Variants in B3GNT6 observed in about 807,000 individuals in gnomAD.
The protein encoded by B3GNT6 is acetylgalactosaminyl-O-glycosyl-glycoprotein beta-1,3-N-acetylglucosaminyltransferase.
For synonymous variants in B3GNT6, 300 were observed against 270.0 expected (o/e 1.11, Z -1.09); for missense variants, 624 against 568.6 (o/e 1.10, Z -0.99).
At position 77,041,458 on chromosome 11, in the gene B3GNT6, T is replaced by A. The variant is rs936785812; in HGVS notation, c.*752T>A. 6.6e-6 allele frequency: 1 copy of A among 152,450 alleles called. No individual in the cohort carries two copies. Among genetic ancestry groups the A allele is most frequent in the Admixed American group, 6.5e-5 (1 of 15,282 alleles). 9.4% of individuals were successfully genotyped at this position (152,450 alleles called of 1,614,324 possible). ...CTAGTTGGGTCCTGCCCGCCAATAA[T>A]CACCCCCACGGGTCAGAGACAGGCT... On this transcript the variant is annotated 3_prime_UTR_variant, in exon 2 of 2. Coordinates refer to ENST00000622824, the MANE Select transcript of B3GNT6 (RefSeq NM_138706.5).
At chr11:77,037,007 A>ACAT (rs1185741064) in intron 1 of B3GNT6, among the ~76,000 whole-genome samples, 12 of 152,194 alleles carry the variant, frequency 7.9e-5, no homozygotes, top group African/African-American at 2.9e-4. Context: ...AGGGAGAGAG[A>ACAT]CATCAATCCA....
chr11:77,039,925 C>A lies in B3GNT6; in HGVS notation c.374C>A (p.Ser125Ter), dbSNP rs782326955. ...RGVFLLLAVK[S>*]APEHYERREL... ...GTGTTCCTGCTCCTGGCGGTGAAGT[C>A]GGCGCCTGAGCACTACGAGCGACGC... Residue 125 changes from serine (S) to a stop codon, truncating the protein, a stop_gained, in exon 2 of 2, where the codon TCG (serine) becomes TAG (stop). Transcript: ENST00000622824. LOFTEE classifies it low-confidence loss of function (END_TRUNC). 3 of 1,592,728 alleles carry A rather than the reference C, an allele frequency of 1.9e-6. No homozygotes were observed. The highest frequency in any genetic ancestry group is 2.5e-6 in the Non-Finnish European group (3 of 1,176,944).
intron 1 of B3GNT6, among the ~76,000 whole-genome samples, chr11:77,036,260 C>G (rs1013931230): frequency 2.6e-5 from 4 of 152,190 alleles, no homozygotes; most frequent in African/African-American, 9.7e-5. Context: ...GCCCTCTTCT[C>G]ACAGTGCCTC....
Position 77,040,506 on chromosome 11 carries a change from G to T in B3GNT6, c.955G>T (p.Ala319Ser), listed in dbSNP as rs782784317. The T allele has an allele frequency of 3.2e-6, 5 of 1,546,958 alleles. No homozygotes were observed. The highest frequency in any genetic ancestry group is 4.3e-6 in the Non-Finnish European group (5 of 1,152,660). Reference sequence around the variant, plus strand: ...CTACATGGGCATGTGTCTGGAGCGCGCCGGCCTGGCGCCCAGCGGCCACGA... The same window carrying T: ...CTACATGGGCATGTGTCTGGAGCGCTCCGGCCTGGCGCCCAGCGGCCACGA... ...DAYMGMCLER[A>S]GLAPSGHEGI... The change falls in exon 2 of 2, where the codon GCC (alanine) becomes TCC (serine). Residue 319 changes from alanine (A) to serine (S), a missense_variant. Transcript: ENST00000622824.
At chr11:77,038,819 A>G (rs1226448271) in intron 1 of B3GNT6, among the ~76,000 whole-genome samples, 1 of 152,124 alleles carries the variant, frequency 6.6e-6, no homozygotes, top group Admixed American at 6.5e-5. Flanking sequence ...GATGCCGTGG[A>G]GATCATCTCA....
In B3GNT6 at chr11:77,040,382, G is replaced by T. The variant is rs545303916; in HGVS notation, c.831G>T (p.Pro277=). The change falls in exon 2 of 2, where the codon CCG becomes CCT. Residue 277 remains proline (P), a synonymous_variant. Coordinates refer to ENST00000622824, the MANE Select transcript of B3GNT6 (RefSeq NM_138706.5). ...AGCTCTTCCCCGGGTCCGCTTACCC[G>T]GTGTACTGCAGCGGCGGCGGCTTCC... ...PPQLFPGSAY[P]VYCSGGGFLL... 7 of 1,535,478 alleles carry T rather than the reference G, an allele frequency of 4.6e-6. No homozygotes were observed. In the East Asian group the frequency reaches 1.2e-4, roughly 27 times the overall value.
At position 77,039,683 on chromosome 11, in the gene B3GNT6, G is replaced by A. The variant is rs782333950; in HGVS notation, c.132G>A (p.Gln44=). 6.2e-6 allele frequency: 10 copies of A among 1,612,308 alleles called. No individual in the cohort carries two copies. The South Asian group carries it at 1.1e-4, about 18-fold the overall frequency. The change falls in exon 2 of 2, where the codon CAG becomes CAA. Residue 44 remains glutamine (Q), a synonymous_variant. Coordinates refer to ENST00000622824, the MANE Select transcript of B3GNT6 (RefSeq NM_138706.5). ...CCCCGCGGGAGGAGAGGTCCCCGCA[G>A]GAGGAGACGCCAGAGGGTCCCACCG... The part of the protein sequence containing the change: ...PRSPREERSP[Q]EETPEGPTDA...
rs564516586 is a variant in B3GNT6 at position 77,039,438 on chromosome 11, G to C, written c.1-114G>C. 167 of 1,488,524 alleles carry C rather than the reference G, an allele frequency of 1.1e-4. No homozygotes were observed. In the African/African-American group the frequency reaches 2.2e-3, roughly 20 times the overall value. The allele number at this position is 1,488,524 out of a possible 1,614,324, so 92.2% of individuals were successfully genotyped here. On this transcript the variant is annotated intron_variant, in intron 1 of 1. Coordinates refer to ENST00000622824, the MANE Select transcript of B3GNT6 (RefSeq NM_138706.5). ...GATTCCTTTTTACCACTTAACAGCA[G>C]AGTTGAGAAGGGGCTGGAGCTGGGT...
In B3GNT6 at chr11:77,040,160, C is replaced by CT. The variant is rs1555027618; in HGVS notation, c.611dup (p.Leu204PhefsTer175). 6.3e-7 allele frequency: 1 copy of CT among 1,599,522 alleles called. No homozygotes were observed. Among genetic ancestry groups the CT allele is most frequent in the African/African-American group, 1.3e-5 (1 of 74,984 alleles). ...TCAACCTCACGCTCAAGCACCTGCA[C>CT]TTGCTCGACTGGCTGGCTGCACGCT... On this transcript the variant is annotated frameshift_variant, in exon 2 of 2. Transcript: ENST00000622824. LOFTEE classifies it low-confidence loss of function (END_TRUNC).
At chr11:77,035,367 A>G (rs1444028430) in intron 1 of B3GNT6, among the ~76,000 whole-genome samples, 1 of 152,280 alleles carries the variant, frequency 6.6e-6, no homozygotes, top group Non-Finnish European at 1.5e-5. Context: ...ACTACATGCC[A>G]GGCATGGCTC....
chr11:77,038,670 TG>T (rs1227632346), intron 1 of B3GNT6, among the ~76,000 whole-genome samples: 2 of 152,072 alleles, frequency 1.3e-5, no homozygotes, highest in Non-Finnish European at 2.9e-5. Context: ...TGTTCTGACC[TG>T]GGATTCGTCC....
At chr11:77,038,756 G>A in intron 1 of B3GNT6, among the ~76,000 whole-genome samples, 1 of 151,632 alleles carries the variant, frequency 6.6e-6, no homozygotes, top group South Asian at 2.1e-4. Context: ...GAAGGTGAAT[G>A]TTTGGGAACA....
intron 1 of B3GNT6, among the ~76,000 whole-genome samples, chr11:77,036,331 T>C (rs1949633181): frequency 6.6e-6 from 1 of 152,234 alleles, no homozygotes; most frequent in South Asian, 2.1e-4. Context: ...GTATTTCTTA[T>C]CAGCACTCAG....
At position 77,041,039 on chromosome 11, in the gene B3GNT6, T is replaced by G; in HGVS notation, c.*333T>G. The G allele has an allele frequency of 3.4e-6, 1 of 290,844 alleles. No individual in the cohort carries two copies. Among genetic ancestry groups the G allele is most frequent in the Non-Finnish European group, 6.3e-6 (1 of 158,750 alleles). 18.0% of individuals were successfully genotyped at this position (290,844 alleles called of 1,614,324 possible). A position where few individuals can be genotyped will look rare whatever the true frequency, so the allele number is the denominator to read the frequency against. ...AGCTCCACCGCCCTCTCTGCAAGAA[T>G]TCCGGGCCCCTCGCTCCCACACTCG... On this transcript the variant is annotated 3_prime_UTR_variant, in exon 2 of 2. Coordinates refer to ENST00000622824, the MANE Select transcript of B3GNT6 (RefSeq NM_138706.5).
At position 77,039,547 on chromosome 11, in the gene B3GNT6, C is replaced by A; in HGVS notation, c.1-5C>A. On this transcript the variant is annotated splice_polypyrimidine_tract_variant and splice_region_variant and intron_variant, in intron 1 of 1. Transcript: ENST00000622824. ...GGCTCACCTCTGACTCGGTTTCCCC[C>A]ACAGATGGCTTTTCCCTGCCGCAGG... is the stretch of plus-strand genomic sequence containing the variant. The A allele has an allele frequency of 6.4e-7, 1 of 1,568,226 alleles. No homozygotes were observed. Among genetic ancestry groups the A allele is most frequent in the Admixed American group, 1.8e-5 (1 of 55,036 alleles).
At chr11:77,036,024 T>C (rs1949630669) in intron 1 of B3GNT6, among the ~76,000 whole-genome samples, 1 of 152,212 alleles carries the variant, frequency 6.6e-6, no homozygotes, top group Admixed American at 6.5e-5. Flanking sequence ...AAAATGAATG[T>C]TAACTTTCTC....
At chr11:77,037,524 G>A (rs914829725) in intron 1 of B3GNT6, among the ~76,000 whole-genome samples, 3 of 152,078 alleles carry the variant, frequency 2.0e-5, no homozygotes, top group Non-Finnish European at 2.9e-5. Flanking sequence ...TGGCTCTGGA[G>A]CTCGGAGGTC....
intron 1 of B3GNT6, 122 bp from the exon 2 acceptor site, chr11:77,039,430 T>C: frequency 1.3e-6 from 2 of 1,484,064 alleles, no homozygotes; most frequent in Non-Finnish European, 8.9e-7. Flanking sequence ...TTTTACCACT[T>C]AACAGCAGAG....
rs781852035 is a variant in B3GNT6, at chr11:77,039,610, G to C, written c.59G>C (p.Gly20Ala). ...TAKTLACLLVGVSFLALQQWF... is the reference protein window; with the variant it reads ...TAKTLACLLVAVSFLALQQWF... ...AAGACTCTGGCCTGCCTCCTGGTGG[G>C]CGTGAGTTTCTTAGCACTGCAGCAG... Residue 20 changes from glycine (G) to alanine (A), a missense_variant, in exon 2 of 2, where the codon GGC becomes GCC. Gly to Ala is a moderately conservative substitution (Grantham distance 60). Transcript: ENST00000622824. 2 of 1,610,650 alleles carry C rather than the reference G, an allele frequency of 1.2e-6. No individual in the cohort carries two copies. The highest frequency in any genetic ancestry group is 8.5e-7 in the Non-Finnish European group (1 of 1,178,646).
Sources: allele counts gnomAD v4.1 joint callset (sites outside exome capture counted in the v4.1 genomes callset), GRCh38; gene constraint gnomAD v4.1.1; transcripts MANE v1.5; gene names NCBI Gene and HGNC (gene_info 2026-07-23, HGNC 2026-07-21).